The following WSCD2 variants were observed in gnomAD, a reference collection of about 807,000 sequenced individuals.
WSCD2 encodes the protein sialate:O-sulfotransferase 2.
In WSCD2, 28 loss-of-function variants were observed where a neutral mutation model predicts 55.7. That is an observed-to-expected ratio of 0.50 (90% CI 0.37 to 0.69). WSCD2 has a LOEUF of 0.69. WSCD2 is among the 30% of genes least tolerant of loss of function. WSCD2 has a pLI of 0.00. For synonymous variants in WSCD2, 301 were observed against 301.9 expected (o/e 1.00, Z 0.03); for missense variants, 616 against 762.1 (o/e 0.81, Z 2.26).
Position 108,196,142 on chromosome 12 carries a change from C to T in WSCD2, c.310C>T (p.Leu104Phe). The T allele has an allele frequency of 6.2e-7, 1 of 1,614,172 alleles. No homozygotes were observed. Among genetic ancestry groups the T allele is most frequent in the South Asian group, 1.1e-5 (1 of 91,074 alleles). ...KGKDGNERAKLGDYGGAWSRA... is the reference protein window; with the variant it reads ...KGKDGNERAKFGDYGGAWSRA... ...CAAGGATGGGAATGAGAGAGCCAAG[C>T]TTGGCGACTACGGTGGAGCCTGGAG... Residue 104 changes from leucine to phenylalanine, a missense_variant, in exon 2 of 9, where the codon CTT (leucine) becomes TTT (phenylalanine). By Grantham distance (22) the Leu-to-Phe change is conservative. This residue lies in a region of WSCD2 where 374 missense variants were observed against 467.4 expected (regional missense o/e 0.80). Transcript: ENST00000547525.
chr12:108,179,370 C>T (rs1183018731), intron 1 of WSCD2, among the ~76,000 whole-genome samples: 1 of 152,206 alleles, frequency 6.6e-6, no homozygotes, highest in Non-Finnish European at 1.5e-5. Flanking sequence ...CTGAGCATCA[C>T]ACTGTAGCAA....
At chr12:108,166,698 T>C (rs770333509) in intron 1 of WSCD2, among the ~76,000 whole-genome samples, 3 of 151,606 alleles carry the variant, frequency 2.0e-5, no homozygotes, top group Non-Finnish European at 2.9e-5. Flanking sequence ...TTGCTGCATT[T>C]TTTCTTTCTT....
intron 1 of WSCD2, among the ~76,000 whole-genome samples, chr12:108,146,873 G>A (rs1877445088): frequency 6.6e-6 from 1 of 152,188 alleles, no homozygotes; most frequent in South Asian, 2.1e-4. Flanking sequence ...GTCTTCCAGA[G>A]GTTCCCAAAA....
rs145136447 is a variant in WSCD2 at position 108,232,673 on chromosome 12, T to A, written c.980-58T>A. On this transcript the variant is annotated intron_variant, in intron 6 of 8. Transcript: ENST00000547525. ...GGGTGTGACTCATACCCTGGCCCTT[T>A]CAGACAGGCTCCATCTGCCCCTGGT... 1.0e-4 allele frequency: 157 copies of A among 1,522,430 alleles called. No individual in the cohort carries two copies. The African/African-American group carries it at 1.9e-3, about 19-fold the overall frequency. The allele number at this position is 1,522,430 out of a possible 1,614,324, so 94.3% of individuals were successfully genotyped here.
chr12:108,235,460 G>A (rs1007721528), intron 7 of WSCD2, among the ~76,000 whole-genome samples: 1 of 152,046 alleles, frequency 6.6e-6, no homozygotes, highest in Admixed American at 6.6e-5. Flanking sequence ...GCTCCCAGGG[G>A]ATTCCAATGC....
intron 1 of WSCD2, among the ~76,000 whole-genome samples, chr12:108,190,185 A>G (rs1045618310): frequency 7.9e-5 from 12 of 152,240 alleles, no homozygotes; most frequent in Non-Finnish European, 1.5e-5. Flanking sequence ...GATGACTGGC[A>G]TATAGTATGC....
chr12:108,220,970 C>T (rs1009101038), intron 4 of WSCD2, among the ~76,000 whole-genome samples: 8 of 152,168 alleles, frequency 5.3e-5, no homozygotes, highest in Non-Finnish European at 4.4e-5. Flanking sequence ...TGGAAGCCAG[C>T]TAGCCTCCCT....
At chr12:108,222,981 C>T (rs1038831746) in intron 4 of WSCD2, among the ~76,000 whole-genome samples, 5 of 152,154 alleles carry the variant, frequency 3.3e-5, no homozygotes, top group Admixed American at 6.5e-5. Context: ...CTGGCAAGTC[C>T]GAAATTCATA....
chr12:108,147,798 A>G (rs1189870628), intron 1 of WSCD2, among the ~76,000 whole-genome samples: 3 of 151,998 alleles, frequency 2.0e-5, no homozygotes, highest in African/African-American at 7.2e-5. Context: ...TCGAGGCTAA[A>G]GTGAGCTATG....
chr12:108,226,848 A>ACCC, intron 5 of WSCD2, 142 bp from the exon 6 acceptor site: 1 of 955,296 alleles, frequency 1.0e-6, no homozygotes, highest in Non-Finnish European at 1.5e-6. Flanking sequence ...GGGTTTGTGG[A>ACCC]TGGAATTTGG....
At chr12:108,148,882 G>A (rs994465492) in intron 1 of WSCD2, among the ~76,000 whole-genome samples, 6 of 152,198 alleles carry the variant, frequency 3.9e-5, no homozygotes, top group Admixed American at 3.9e-4. Context: ...GATCAGAGAG[G>A]TGGAGTGAGT....
chr12:108,197,488 G>T (rs1487991222), intron 2 of WSCD2, among the ~76,000 whole-genome samples: 1 of 152,150 alleles, frequency 6.6e-6, no homozygotes, highest in Non-Finnish European at 1.5e-5. Context: ...CAGCCATGTG[G>T]CCCAGGCAAA....
At chr12:108,145,264 G>A (rs1277798579) in intron 1 of WSCD2, among the ~76,000 whole-genome samples, 2 of 152,162 alleles carry the variant, frequency 1.3e-5, no homozygotes, top group Non-Finnish European at 2.9e-5. Context: ...CTTGGGTGAA[G>A]CATCACTTCT....
chr12:108,148,395 C>T (rs935384532), intron 1 of WSCD2, among the ~76,000 whole-genome samples: 2 of 152,152 alleles, frequency 1.3e-5, no homozygotes, highest in East Asian at 1.9e-4. Context: ...GTGCTCACTA[C>T]GTGTTTGTTG....
intron 1 of WSCD2, among the ~76,000 whole-genome samples, chr12:108,192,625 G>T (rs1803518158): frequency 1.3e-5 from 2 of 152,192 alleles, no homozygotes; most frequent in Non-Finnish European, 2.9e-5. Context: ...CCTGCCCACT[G>T]CTTGGCTGTG....
intron 2 of WSCD2, among the ~76,000 whole-genome samples, chr12:108,197,567 G>C (rs368907860): frequency 2.0e-5 from 3 of 152,160 alleles, no homozygotes; most frequent in African/African-American, 7.2e-5. Context: ...GCTCCTGAGA[G>C]TTCAATGAGA....
intron 1 of WSCD2, among the ~76,000 whole-genome samples, chr12:108,162,113 G>T (rs1879125177): frequency 2.0e-5 from 3 of 152,220 alleles, no homozygotes. Flanking sequence ...GCCAGTCCAT[G>T]CTAAGGCCTG....
At chr12:108,172,316 G>T (rs186200192) in intron 1 of WSCD2, among the ~76,000 whole-genome samples, 1 of 152,310 alleles carries the variant, frequency 6.6e-6, no homozygotes, top group African/African-American at 2.4e-5. Flanking sequence ...CCTACTTTTA[G>T]CCCTATTTAA....
intron 8 of WSCD2, among the ~76,000 whole-genome samples, chr12:108,243,810 C>T (rs915710182): frequency 6.6e-6 from 1 of 152,146 alleles, no homozygotes; most frequent in African/African-American, 2.4e-5. Context: ...GTGAAGATCA[C>T]CCTGTAAGAG....
Sources: allele counts gnomAD v4.1 joint callset (sites outside exome capture counted in the v4.1 genomes callset), GRCh38; gene constraint gnomAD v4.1.1; regional missense constraint gnomAD v4.1.1; transcripts MANE v1.5; gene names NCBI Gene and HGNC (gene_info 2026-07-23, HGNC 2026-07-21).